The following GALNTL6 variants were observed in gnomAD, a reference collection of about 807,000 sequenced individuals.
The protein encoded by GALNTL6 is polypeptide N-acetylgalactosaminyltransferase-like 6.
In GALNTL6, 46 loss-of-function variants were observed where a neutral mutation model predicts 73.7. The observed-to-expected ratio is 0.62, with a 90% confidence interval of 0.49 to 0.80. The LOEUF is 0.80. Among genes scored for constraint, GALNTL6 ranks in the 30% least tolerant of loss-of-function variants. The probability of loss-of-function intolerance (pLI) is 0.00; values close to 1 mark genes in which losing one functional copy is unlikely to be tolerated. For synonymous variants in GALNTL6, 259 were observed against 263.7 expected (o/e 0.98, Z 0.17); for missense variants, 604 against 755.0 (o/e 0.80, Z 2.34).
chr4:172,033,657 G>C (rs1016627508), intron 2 of GALNTL6, among the ~76,000 whole-genome samples: 31 of 151,956 alleles, frequency 2.0e-4, no homozygotes, highest in African/African-American at 7.5e-4. Flanking sequence ...ATCATGATAT[G>C]AGAAAACTAT....
At chr4:172,526,953 G>A (rs2110833834) in intron 5 of GALNTL6, among the ~76,000 whole-genome samples, 1 of 152,054 alleles carries the variant, frequency 6.6e-6, no homozygotes, top group South Asian at 2.1e-4. Flanking sequence ...AGCTGGTGCT[G>A]CACTATGTTG....
chr4:172,104,618 C>T (rs1323241360), intron 2 of GALNTL6, among the ~76,000 whole-genome samples: 1 of 152,038 alleles, frequency 6.6e-6, no homozygotes, highest in Non-Finnish European at 1.5e-5. Flanking sequence ...CAATCTTCTA[C>T]GTCATCTGTA....
intron 12 of GALNTL6, among the ~76,000 whole-genome samples, chr4:173,037,458 A>AT (rs1190491985): frequency 6.6e-6 from 1 of 152,178 alleles, no homozygotes; most frequent in Non-Finnish European, 1.5e-5. Context: ...GTAGTGGTAT[A>AT]TTTGCATACT....
At chr4:172,902,169 CA>C (rs1419172147) in intron 8 of GALNTL6, among the ~76,000 whole-genome samples, 2 of 152,152 alleles carry the variant, frequency 1.3e-5, no homozygotes, top group African/African-American at 2.4e-5. Context: ...ACACAGCCCA[CA>C]TCTTAAATGT....
intron 5 of GALNTL6, among the ~76,000 whole-genome samples, chr4:172,713,455 A>G (rs1317611336): frequency 4.0e-5 from 6 of 151,884 alleles, no homozygotes; most frequent in Admixed American, 2.0e-4. Context: ...CTTTTATTCA[A>G]CTTAGGCCTT....
intron 2 of GALNTL6, among the ~76,000 whole-genome samples, chr4:171,963,678 G>C (rs1166625768): frequency 6.6e-6 from 1 of 152,162 alleles, no homozygotes; most frequent in Non-Finnish European, 1.5e-5. Context: ...TACTTAAACA[G>C]GATCTGGTTT....
chr4:172,162,584 A>G (rs1734505305), intron 2 of GALNTL6, among the ~76,000 whole-genome samples: 1 of 152,004 alleles, frequency 6.6e-6, no homozygotes, highest in Non-Finnish European at 1.5e-5. Flanking sequence ...AAAGAGAAAA[A>G]TAGCTGCAGA....
intron 4 of GALNTL6, among the ~76,000 whole-genome samples, chr4:172,341,450 CAAAAAAAAA>C (rs4048503): frequency 8.5e-6 from 1 of 118,022 alleles, no homozygotes; most frequent in Non-Finnish European, 1.6e-5. Flanking sequence ...GACTCCGTCT[CAAAAAAAAA>C]AAAAAAAAAA....
chr4:172,458,443 T>G (rs550669209), intron 5 of GALNTL6, among the ~76,000 whole-genome samples: 1 of 151,918 alleles, frequency 6.6e-6, no homozygotes, highest in Non-Finnish European at 1.5e-5. Context: ...CTGGTTTTTT[T>G]GAAAAGATCA....
At chr4:172,585,776 A>G (rs1210523755) in intron 5 of GALNTL6, among the ~76,000 whole-genome samples, 1 of 152,212 alleles carries the variant, frequency 6.6e-6, no homozygotes, top group Non-Finnish European at 1.5e-5. Flanking sequence ...AAGGTCTAAT[A>G]TCCAGAATCT....
chr4:172,623,977 G>C (rs1034111242), intron 5 of GALNTL6, among the ~76,000 whole-genome samples: 2 of 151,992 alleles, frequency 1.3e-5, no homozygotes, highest in Non-Finnish European at 1.5e-5. Context: ...CTTCCATTTA[G>C]AATTAATCAT....
At chr4:172,073,405 A>G (rs1432174408) in intron 2 of GALNTL6, among the ~76,000 whole-genome samples, 1 of 152,218 alleles carries the variant, frequency 6.6e-6, no homozygotes, top group Non-Finnish European at 1.5e-5. Context: ...TGATTAAAAG[A>G]AACTATGGCT....
Position 172,867,952 on chromosome 4 carries a change from A to G in GALNTL6, c.924-14838A>G, listed in dbSNP as rs576835536. On this transcript the variant is annotated intron_variant, in intron 7 of 12. Transcript: ENST00000506823. ...CATAAATTGATGCACGGGCAGAAAT[A>G]AGAGGAGAGTCCTCTCTTGCACACA... Among the ~76,000 whole-genome samples the G allele has an allele frequency of 1.2e-4, 19 of 152,360 alleles. No individual in the cohort carries two copies. The South Asian group carries it at 3.7e-3, about 30-fold the overall frequency.
rs187567621 is a variant in GALNTL6, at chr4:172,272,576, G to A, written c.248-39038G>A. Among the ~76,000 whole-genome samples, 286 of 152,248 alleles carry A rather than the reference G, an allele frequency of 1.9e-3. 1 individual carries two copies. The highest frequency in any genetic ancestry group is 3.2e-3 in the Non-Finnish European group (220 of 68,020). ...AAAAGACGACACTATAATCTGATGG[G>A]ACCACTGTTGTCTGTGCAGTAGGTA... On this transcript the variant is annotated intron_variant, in intron 3 of 12. Coordinates refer to ENST00000506823, the MANE Select transcript of GALNTL6 (RefSeq NM_001034845.3).
chr4:171,993,421 G>A (rs879688165), intron 2 of GALNTL6, among the ~76,000 whole-genome samples: 3 of 151,318 alleles, frequency 2.0e-5, no homozygotes, highest in Non-Finnish European at 4.4e-5. Flanking sequence ...GCCAGGCAAT[G>A]GGATGAGTTA....
At chr4:172,173,238 C>G (rs1368619979) in intron 2 of GALNTL6, among the ~76,000 whole-genome samples, 4 of 152,172 alleles carry the variant, frequency 2.6e-5, no homozygotes, top group Non-Finnish European at 4.4e-5. Context: ...CCTCAGAGTC[C>G]TCCCGGGAAG....
intron 10 of GALNTL6, among the ~76,000 whole-genome samples, chr4:173,001,525 C>A (rs1752045731): frequency 6.6e-6 from 1 of 152,100 alleles, no homozygotes; most frequent in African/African-American, 2.4e-5. Context: ...AATTGGACTT[C>A]ATGAAAGTTA....
intron 2 of GALNTL6, among the ~76,000 whole-genome samples, chr4:172,061,901 A>G (rs1351777317): frequency 7.3e-6 from 1 of 136,572 alleles, no homozygotes; most frequent in Non-Finnish European, 1.6e-5. Flanking sequence ...GGAATCTGTT[A>G]TTTACCACCC....
chr4:172,944,831 G>A (rs1749081133), intron 9 of GALNTL6, among the ~76,000 whole-genome samples: 1 of 152,076 alleles, frequency 6.6e-6, no homozygotes, highest in Admixed American at 6.6e-5. Context: ...TGAGACAGGA[G>A]GATCACCTGA....
Sources: gnomAD v4.1 joint callset for allele counts (sites outside exome capture counted in the v4.1 genomes callset) on GRCh38, gnomAD v4.1.1 for gene constraint, MANE v1.5 for transcripts, NCBI Gene and HGNC (gene_info 2026-07-23, HGNC 2026-07-21) for gene names.